ATP11A: variants seen among roughly 807,000 people sequenced by gnomAD.
ATP11A encodes the protein ATPase phospholipid transporting 11A.
ATP11A carries 81 observed loss-of-function variants against 154.4 expected under a neutral mutation model. The ratio of observed to expected loss-of-function variants is 0.52; its 90% CI spans 0.44 to 0.63. The LOEUF is 0.63. Among genes scored for constraint, ATP11A ranks in the 30% least tolerant of loss-of-function variants. ATP11A has a pLI of 0.00. For missense variants in ATP11A, 1,316 were observed against 1,474.3 expected, an observed-to-expected ratio of 0.89 and a Z score of 1.76; for synonymous variants, 623 against 585.9, an observed-to-expected ratio of 1.06 and a Z score of -0.91.
Position 112,885,038 on chromosome 13 carries a change from T to C in ATP11A, c.*3172T>C, listed in dbSNP as rs539116637. On this transcript the variant is annotated 3_prime_UTR_variant, in exon 30 of 30. Transcript: ENST00000375645. ...ACGTGCAAGCTCCTGCACACATGCA[T>C]GCACACAAACGTGTACACAAGTGTG... 2.0e-5 allele frequency: 3 copies of C among 151,936 alleles called. No individual in the cohort carries two copies. In the East Asian group the frequency reaches 5.8e-4, roughly 30 times the overall value. 9.4% of individuals were successfully genotyped at this position (151,936 alleles called of 1,614,324 possible). A position where few individuals can be genotyped will look rare whatever the true frequency, so the allele number is the denominator to read the frequency against.
chr13:112,708,399 A>G (rs1887390912), intron 1 of ATP11A, among the ~76,000 whole-genome samples: 1 of 152,228 alleles, frequency 6.6e-6, no homozygotes, highest in Non-Finnish European at 1.5e-5. Flanking sequence ...AAGTCCCCTT[A>G]TTATTAGTAA....
chr13:112,833,489 C>T (rs964592194), intron 14 of ATP11A, among the ~76,000 whole-genome samples: 1 of 152,144 alleles, frequency 6.6e-6, no homozygotes, highest in Non-Finnish European at 1.5e-5. Flanking sequence ...TGGAAAAATA[C>T]TTTAAACATT....
intron 1 of ATP11A, among the ~76,000 whole-genome samples, chr13:112,748,799 T>C (rs1020468999): frequency 2.6e-5 from 4 of 152,178 alleles, no homozygotes; most frequent in Non-Finnish European, 5.9e-5. Context: ...CAGAAAATGG[T>C]GCTTGTAGAT....
chr13:112,831,435 G>C lies in ATP11A; in HGVS notation c.1282G>C (p.Glu428Gln). The C allele has an allele frequency of 6.2e-7, 1 of 1,614,208 alleles. No homozygotes were observed. Among genetic ancestry groups the C allele is most frequent in the Non-Finnish European group, 8.5e-7 (1 of 1,180,030 alleles). ...CACGGAAAACAACATGGAGTTCAAG[G>C]AGTGCTGCATCGAAGGCCATGTCTA... ...TLTENNMEFK[E>Q]CCIEGHVYVP... is the part of the protein sequence containing the mutation. Residue 428 changes from glutamate to glutamine, a missense_variant, in exon 13 of 30, where the codon GAG (glutamate) becomes CAG (glutamine). By Grantham distance (29) the Glu-to-Gln change is conservative. Coordinates refer to ENST00000375645, the MANE Select transcript of ATP11A (RefSeq NM_015205.3).
rs144820854 is a variant in ATP11A, at chr13:112,783,544, G to A, written c.40-1591G>A. Among the ~76,000 whole-genome samples the A allele has an allele frequency of 2.4e-4, 37 of 152,342 alleles. No individual in the cohort carries two copies. The East Asian group carries it at 4.6e-3, about 19-fold the overall frequency. On this transcript the variant is annotated intron_variant, in intron 1 of 29. Transcript: ENST00000375645. ...AGCAGCCAAGGGTCAGCCCTTCGAC[G>A]GCAGTGCCCGCTCGTCCTTCCCGTC... is the stretch of plus-strand genomic sequence containing the variant.
Position 112,859,530 on chromosome 13 carries a change from G to A in ATP11A, c.2727+78G>A. On this transcript the variant is annotated intron_variant, in intron 23 of 29. Transcript: ENST00000375645. This position sits in a 1 kb window ranked among gnomAD's most constrained non-coding sequence, Gnocchi z 4.3. ...GCAGTGGGTGGCTGCTGTGGGGAGGGGAGACTTGGGAATGAGCAGCACTCC... is the reference window on the plus strand; with the variant it reads ...GCAGTGGGTGGCTGCTGTGGGGAGGAGAGACTTGGGAATGAGCAGCACTCC... 1 of 1,246,634 alleles carries A rather than the reference G, an allele frequency of 8.0e-7. No individual in the cohort carries two copies. Among genetic ancestry groups the A allele is most frequent in the East Asian group, 2.3e-5 (1 of 43,024 alleles). 77.2% of individuals were successfully genotyped at this position (1,246,634 alleles called of 1,614,324 possible). A position where few individuals can be genotyped will look rare whatever the true frequency, so the allele number is the denominator to read the frequency against.
intron 1 of ATP11A, among the ~76,000 whole-genome samples, chr13:112,740,095 A>AT (rs1891380207): frequency 6.6e-6 from 1 of 151,574 alleles, no homozygotes; most frequent in African/African-American, 2.4e-5. Flanking sequence ...TGAATTGTAC[A>AT]TTGTAAAGGG....
chr13:112,863,844 A>G, intron 25 of ATP11A, among the ~76,000 whole-genome samples: 1 of 87,994 alleles, frequency 1.1e-5, no homozygotes. Flanking sequence ...CCACCTGCGC[A>G]GTAATTCAGT....
intron 1 of ATP11A, among the ~76,000 whole-genome samples, chr13:112,712,309 T>C (rs1278579745): frequency 1.3e-5 from 2 of 152,116 alleles, no homozygotes; most frequent in African/African-American, 4.8e-5. Context: ...GCTCCCTCCA[T>C]GGTTAGAATT....
chr13:112,723,121 C>T (rs1889386632), intron 1 of ATP11A, among the ~76,000 whole-genome samples: 1 of 151,854 alleles, frequency 6.6e-6, no homozygotes, highest in African/African-American at 2.4e-5. Flanking sequence ...ACTTAACCCT[C>T]ATCTGTAATG....
Position 112,848,535 on chromosome 13 carries a change from C to G in ATP11A, c.1810-2502C>G, listed in dbSNP as rs532567594. On this transcript the variant is annotated intron_variant, in intron 17 of 29. Coordinates refer to ENST00000375645, the MANE Select transcript of ATP11A (RefSeq NM_015205.3). ...AAAGGCATCCTTTCTAATGTGGAAA[C>G]TTTCTTTTTCTCTTTATAGCCTAAT... Among the ~76,000 whole-genome samples the G allele has an allele frequency of 2.0e-5, 3 of 152,264 alleles. No homozygotes were observed. In the South Asian group the frequency reaches 6.2e-4, roughly 32 times the overall value.
At position 112,881,860 on chromosome 13, in the gene ATP11A, T is replaced by C. The variant is rs754289820; in HGVS notation, c.*10-16T>C. ...GGGACCGCGACTCAGAATTCACCCCTCTTGCCTCTCTGCAGAGCCCAGGCT... is the reference window on the plus strand; with the variant it reads ...GGGACCGCGACTCAGAATTCACCCCCCTTGCCTCTCTGCAGAGCCCAGGCT... On this transcript the variant is annotated splice_polypyrimidine_tract_variant and intron_variant, in intron 29 of 29. Transcript: ENST00000375645. The C allele has an allele frequency of 7.3e-7, 1 of 1,367,662 alleles. No homozygotes were observed. Among genetic ancestry groups the C allele is most frequent in the Admixed American group, 1.9e-5 (1 of 52,574 alleles). The allele number at this position is 1,367,662 out of a possible 1,614,324, so 84.7% of individuals were successfully genotyped here.
chr13:112,703,655 C>T (rs1386590282), intron 1 of ATP11A, among the ~76,000 whole-genome samples: 1 of 152,048 alleles, frequency 6.6e-6, no homozygotes, highest in Non-Finnish European at 1.5e-5. Flanking sequence ...GGTAATTTGA[C>T]CCTTCTTAGA....
Position 112,736,093 on chromosome 13 carries a change from C to T in ATP11A, c.39+45638C>T, listed in dbSNP as rs116695495. ...AGTCCCTTTGACCTTGCTTAAGGAG[C>T]GCACAGGTGTGGACCATGGTGCCAG... On this transcript the variant is annotated intron_variant, in intron 1 of 29. Coordinates refer to ENST00000375645, the MANE Select transcript of ATP11A (RefSeq NM_015205.3). 9.4e-3 allele frequency among the ~76,000 whole-genome samples: 1,436 copies of T among 152,298 alleles called. 25 individuals are homozygous for T. The highest frequency in any genetic ancestry group is 0.032 in the African/African-American group (1,319 of 41,576).
intron 17 of ATP11A, among the ~76,000 whole-genome samples, chr13:112,845,874 C>T (rs946295386): frequency 2.6e-5 from 4 of 151,428 alleles, no homozygotes; most frequent in African/African-American, 7.3e-5. Context: ...TAGCAGCACT[C>T]GTTCATTTGC....
intron 1 of ATP11A, among the ~76,000 whole-genome samples, chr13:112,764,705 T>A (rs2077034734): frequency 1.3e-5 from 2 of 152,222 alleles, no homozygotes; most frequent in African/African-American, 2.4e-5. Flanking sequence ...TTGTGTCCCC[T>A]TGATGGGCTC....
chr13:112,730,044 C>T (rs1036842648), intron 1 of ATP11A, among the ~76,000 whole-genome samples: 3 of 152,150 alleles, frequency 2.0e-5, no homozygotes, highest in African/African-American at 7.2e-5. Context: ...TCTCTGTGTC[C>T]ATGCTAAGTG....
chr13:112,880,414 C>T (rs967813249), intron 29 of ATP11A: 1 of 727,168 alleles, frequency 1.4e-6, no homozygotes, highest in African/African-American at 1.9e-5. Flanking sequence ...CTCCATGACA[C>T]CCCATGCAGA....
At chr13:112,766,031 C>A (rs1228903168) in intron 1 of ATP11A, among the ~76,000 whole-genome samples, 1 of 152,266 alleles carries the variant, frequency 6.6e-6, no homozygotes, top group South Asian at 2.1e-4. Context: ...GGGGCGGATC[C>A]CCCTGTCACG....
Sources: allele counts gnomAD v4.1 joint callset (sites outside exome capture counted in the v4.1 genomes callset), GRCh38; gene constraint gnomAD v4.1.1; non-coding constraint Gnocchi (gnomAD v3.1); transcripts MANE v1.5; gene names NCBI Gene and HGNC (gene_info 2026-07-23, HGNC 2026-07-21).